NT5DC1: variants seen among roughly 807,000 people sequenced by gnomAD.
NT5DC1 encodes the protein 5'-nucleotidase domain containing 1, also known as 5'-nucleotidase domain-containing protein 1.
NT5DC1 carries 42 observed loss-of-function variants against 59.4 expected under a neutral mutation model. That is an observed-to-expected ratio of 0.71 (90% confidence interval 0.55 to 0.92). The LOEUF (loss-of-function observed/expected upper bound fraction) is 0.92, where lower values mean the gene tolerates loss of function less well. Among genes scored for constraint, NT5DC1 ranks in the 40% least tolerant of loss-of-function variants. The pLI is 0.00. For missense variants in NT5DC1, 501 were observed against 537.1 expected, an observed-to-expected ratio of 0.93 and a Z score of 0.66; for synonymous variants, 172 against 188.1, an observed-to-expected ratio of 0.91 and a Z score of 0.70.
chr6:116,185,719 A>AT (rs1780980529), intron 6 of NT5DC1, among the ~76,000 whole-genome samples: 2 of 151,860 alleles, frequency 1.3e-5, no homozygotes, highest in Non-Finnish European at 2.9e-5. Flanking sequence ...TGCATGGAAT[A>AT]TTTTTTTCTA....
intron 6 of NT5DC1, among the ~76,000 whole-genome samples, chr6:116,204,093 T>C (rs1313946382): frequency 1.3e-5 from 2 of 151,864 alleles, no homozygotes; most frequent in African/African-American, 4.8e-5. Flanking sequence ...AATTTGGTCC[T>C]GCAGTGAAAC....
chr6:116,207,414 C>T (rs1435873907), intron 6 of NT5DC1, among the ~76,000 whole-genome samples: 2 of 151,746 alleles, frequency 1.3e-5, no homozygotes, highest in African/African-American at 4.8e-5. Flanking sequence ...ATGATAGATA[C>T]ATATGTCCAT....
At chr6:116,152,217 A>G (rs1034219067) in intron 6 of NT5DC1, among the ~76,000 whole-genome samples, 1 of 152,194 alleles carries the variant, frequency 6.6e-6, no homozygotes, top group Non-Finnish European at 1.5e-5. Context: ...AAATGAGAAT[A>G]TATGATTAGA....
At chr6:116,182,718 C>G (rs1219993679) in intron 6 of NT5DC1, among the ~76,000 whole-genome samples, 1 of 151,768 alleles carries the variant, frequency 6.6e-6, no homozygotes, top group Non-Finnish European at 1.5e-5. Flanking sequence ...CCTTAGCCCA[C>G]TTTTTGATGT....
At chr6:116,120,529 G>A (rs759702623) in intron 6 of NT5DC1, 5 of 1,614,004 alleles carry the variant, frequency 3.1e-6, no homozygotes, top group Non-Finnish European at 4.2e-6. Flanking sequence ...TGGGCCTTTG[G>A]CCTGCCTTTA....
intron 6 of NT5DC1, among the ~76,000 whole-genome samples, chr6:116,130,919 T>G (rs373808937): frequency 6.6e-6 from 1 of 152,314 alleles, no homozygotes; most frequent in East Asian, 1.9e-4. Context: ...GCAATTCTTT[T>G]GGTATTTTCA....
chr6:116,135,175 T>C (rs1171236181), intron 6 of NT5DC1, among the ~76,000 whole-genome samples: 1 of 152,180 alleles, frequency 6.6e-6, no homozygotes, highest in Non-Finnish European at 1.5e-5. Context: ...CTGCTCAGCC[T>C]ACCTGTTAGC....
intron 6 of NT5DC1, among the ~76,000 whole-genome samples, chr6:116,166,302 G>A (rs1174454917): frequency 6.6e-6 from 1 of 152,114 alleles, no homozygotes; most frequent in Non-Finnish European, 1.5e-5. Context: ...TTCTCTCTGA[G>A]GATAACTGAC....
chr6:116,189,453 C>A (rs1010616762), intron 6 of NT5DC1, among the ~76,000 whole-genome samples: 2 of 151,776 alleles, frequency 1.3e-5, no homozygotes, highest in South Asian at 2.1e-4. Flanking sequence ...TCTTTATATA[C>A]CTCCCTCTCA....
chr6:116,190,327 A>G (rs1222856524), intron 6 of NT5DC1, among the ~76,000 whole-genome samples: 2 of 152,028 alleles, frequency 1.3e-5, no homozygotes, highest in African/African-American at 4.8e-5. Flanking sequence ...GATTATTACC[A>G]TATGATAAAA....
At chr6:116,222,015 A>C in intron 7 of NT5DC1, among the ~76,000 whole-genome samples, 1 of 152,206 alleles carries the variant, frequency 6.6e-6, no homozygotes. Flanking sequence ...CCGAATTGCC[A>C]TGAGTATGGA....
intron 6 of NT5DC1, among the ~76,000 whole-genome samples, chr6:116,155,714 A>G (rs1399136664): frequency 6.6e-6 from 1 of 150,558 alleles, no homozygotes; most frequent in Non-Finnish European, 1.5e-5. Flanking sequence ...GTGAATAAAC[A>G]ACACTGCATC....
intron 6 of NT5DC1, among the ~76,000 whole-genome samples, chr6:116,131,667 A>G (rs1432035840): frequency 6.6e-6 from 1 of 152,142 alleles, no homozygotes; most frequent in African/African-American, 2.4e-5. Flanking sequence ...TTTTGCCAAT[A>G]CAAATACTTT....
chr6:116,185,165 A>C (rs1471120404), intron 6 of NT5DC1, among the ~76,000 whole-genome samples: 2 of 152,048 alleles, frequency 1.3e-5, no homozygotes, highest in African/African-American at 4.8e-5. Context: ...ATGTATTTGC[A>C]TGATTTTGAG....
In NT5DC1 at chr6:116,184,574, G is replaced by A. The variant is rs118098763; in HGVS notation, c.530-36480G>A. Among the ~76,000 whole-genome samples, 378 of 152,020 alleles carry A rather than the reference G, an allele frequency of 2.5e-3. 14 individuals are homozygous for A. The East Asian group carries it at 0.063, about 25-fold the overall frequency. The stretch of plus-strand genomic sequence containing the variant: ...ATTTCAGTCTCACTGCTTGTTATTG[G>A]TCTGTTCAGAGTGTCTGTTTCTTCC... On this transcript the variant is annotated intron_variant, in intron 6 of 11. Coordinates refer to ENST00000319550, the MANE Select transcript of NT5DC1 (RefSeq NM_152729.3).
At chr6:116,135,873 A>ATATATATGTATGTATG (rs1491111454) in intron 6 of NT5DC1, among the ~76,000 whole-genome samples, 1 of 62,198 alleles carries the variant, frequency 1.6e-5, no homozygotes, top group African/African-American at 9.2e-5. Flanking sequence ...ATATATATAT[A>ATATATATGTATGTATG]CACACATACA....
chr6:116,182,869 C>T (rs774325045), intron 6 of NT5DC1, among the ~76,000 whole-genome samples: 1 of 151,398 alleles, frequency 6.6e-6, no homozygotes, highest in East Asian at 1.9e-4. Flanking sequence ...GTATTTTTTG[C>T]TGTATATAAT....
intron 6 of NT5DC1, among the ~76,000 whole-genome samples, chr6:116,191,479 T>C (rs1231202923): frequency 6.6e-6 from 1 of 152,070 alleles, no homozygotes; most frequent in Non-Finnish European, 1.5e-5. Context: ...AGTAAGTGCT[T>C]CATAAATATT....
chr6:116,141,927 C>T (rs1232933857), intron 6 of NT5DC1, among the ~76,000 whole-genome samples: 1 of 146,436 alleles, frequency 6.8e-6, no homozygotes, highest in African/African-American at 2.5e-5. Flanking sequence ...CACACACACA[C>T]TGTAAATGTG....
Sources: allele counts gnomAD v4.1 joint callset (sites outside exome capture counted in the v4.1 genomes callset), GRCh38; gene constraint gnomAD v4.1.1; transcripts MANE v1.5; gene names NCBI Gene and HGNC (gene_info 2026-07-23, HGNC 2026-07-21).